Variants in GOLM1 observed in about 807,000 individuals in gnomAD.
The protein encoded by GOLM1 is golgi membrane protein 1, also known as epididymis luminal protein 46.
A neutral mutation model predicts 50.5 loss-of-function variants in GOLM1; 31 were observed. That is an observed-to-expected ratio of 0.61 (90% CI 0.46 to 0.83). The LOEUF is 0.83. GOLM1 is among the 40% of genes least tolerant of loss of function. The pLI, the probability that GOLM1 is intolerant of heterozygous loss-of-function variation, is 0.00. For missense variants in GOLM1, 491 were observed against 501.3 expected (o/e 0.98, Z 0.20); for synonymous variants, 178 against 192.8 (o/e 0.92, Z 0.64).
At chr9:86,098,137 C>T (rs187175101) in intron 1 of GOLM1, among the ~76,000 whole-genome samples, 1 of 152,298 alleles carries the variant, frequency 6.6e-6, no homozygotes, top group African/African-American at 2.4e-5. Flanking sequence ...TAAAAGCTAA[C>T]CTCTTTTCTT....
At chr9:86,092,803 A>C (rs1214747061) in intron 1 of GOLM1, among the ~76,000 whole-genome samples, 3 of 152,230 alleles carry the variant, frequency 2.0e-5, no homozygotes, top group African/African-American at 7.2e-5. Flanking sequence ...GCAGGAACTC[A>C]CAGGCAGAGT....
chr9:86,028,108 G>A (rs1476024980), intron 9 of GOLM1, among the ~76,000 whole-genome samples: 2 of 151,974 alleles, frequency 1.3e-5, no homozygotes, highest in East Asian at 1.9e-4. Flanking sequence ...AGAAGGGCAG[G>A]GTCACTGGCA....
At chr9:86,040,054 G>C (rs1272462191) in intron 6 of GOLM1, among the ~76,000 whole-genome samples, 1 of 151,878 alleles carries the variant, frequency 6.6e-6, no homozygotes, top group African/African-American at 2.4e-5. Context: ...CAAATCAAGA[G>C]ACACAAAGTA....
At chr9:86,048,958 T>C (rs1456094811) in intron 4 of GOLM1, among the ~76,000 whole-genome samples, 2 of 152,250 alleles carry the variant, frequency 1.3e-5, no homozygotes, top group East Asian at 3.8e-4. Flanking sequence ...CCCATGCCTA[T>C]GTCCTGAATG....
intron 1 of GOLM1, among the ~76,000 whole-genome samples, chr9:86,088,860 T>C (rs777372470): frequency 6.6e-6 from 1 of 152,214 alleles, no homozygotes; most frequent in South Asian, 2.1e-4. Context: ...ATAGTGTCGA[T>C]GGTCTTTACA....
At chr9:86,047,418 C>T (rs1027714255) in intron 4 of GOLM1, among the ~76,000 whole-genome samples, 3 of 152,182 alleles carry the variant, frequency 2.0e-5, no homozygotes, top group African/African-American at 7.2e-5. Context: ...GGAAGCGTTC[C>T]GTGAATTACG....
At chr9:86,060,876 CAAAAAAAAAAAAAAAAA>C (rs753183065) in intron 3 of GOLM1, among the ~76,000 whole-genome samples, 2,630 of 19,712 alleles carry the variant, frequency 0.13, 106 homozygotes, top group East Asian at 0.4. Context: ...GAAACTCTCT[CAAAAAAAAAAAAAAAAA>C]AAAAAAAAAA....
chr9:86,068,319 A>G (rs1169863143), intron 3 of GOLM1, among the ~76,000 whole-genome samples: 3 of 152,216 alleles, frequency 2.0e-5, no homozygotes, highest in Non-Finnish European at 4.4e-5. Context: ...CAAAACTGTA[A>G]AAGTATACAT....
chr9:86,060,317 G>A (rs1036551836), intron 3 of GOLM1, among the ~76,000 whole-genome samples: 1 of 152,076 alleles, frequency 6.6e-6, no homozygotes, highest in Non-Finnish European at 1.5e-5. Context: ...CAGGGAAAGC[G>A]GGGAGAGGGA....
At chr9:86,082,267 C>A (rs903860828) in intron 1 of GOLM1, among the ~76,000 whole-genome samples, 1 of 150,934 alleles carries the variant, frequency 6.6e-6, no homozygotes, top group South Asian at 2.1e-4. Context: ...ACCTTGTGAT[C>A]CGCCCGCCTC....
rs554202684 is a variant in GOLM1 at position 86,056,740 on chromosome 9, G to A, written c.310-4149C>T. ...AGGATGGTCTCAATCTCCTGACCTC[G>A]TGATCTGCTCGCCTTGGCCTCTCAA... On this transcript the variant is annotated intron_variant, in intron 3 of 9. Coordinates refer to ENST00000388712, the MANE Select transcript of GOLM1 (RefSeq NM_016548.4). 3.2e-4 allele frequency among the ~76,000 whole-genome samples: 48 copies of A among 151,968 alleles called. No individual in the cohort carries two copies. In the South Asian group the frequency reaches 9.0e-3, roughly 28 times the overall value.
chr9:86,095,461 T>C (rs1014382680), intron 1 of GOLM1, among the ~76,000 whole-genome samples: 8 of 151,676 alleles, frequency 5.3e-5, no homozygotes, highest in African/African-American at 1.9e-4. Flanking sequence ...TTGGCCAGGT[T>C]GGTCTCGAAC....
At chr9:86,075,158 G>C (rs530586363) in intron 3 of GOLM1, among the ~76,000 whole-genome samples, 2 of 152,290 alleles carry the variant, frequency 1.3e-5, no homozygotes, top group South Asian at 2.1e-4. Context: ...CTCACCAGAT[G>C]AATCTGCCCC....
chr9:86,063,503 G>T (rs1834219919), intron 3 of GOLM1, among the ~76,000 whole-genome samples: 1 of 152,176 alleles, frequency 6.6e-6, no homozygotes, highest in South Asian at 2.1e-4. Flanking sequence ...AAGTGTACAG[G>T]TTACAGCGTC....
chr9:86,053,560 C>CCAA (rs1564347342), intron 3 of GOLM1, among the ~76,000 whole-genome samples: 4 of 914 alleles, frequency 4.4e-3, no homozygotes, highest in African/African-American at 7.8e-3. Context: ...ACACACTACA[C>CCAA]ACACACACAT....
intron 3 of GOLM1, among the ~76,000 whole-genome samples, chr9:86,062,187 G>A (rs933423761): frequency 2.0e-5 from 3 of 152,122 alleles, no homozygotes; most frequent in Admixed American, 6.5e-5. Context: ...AAAGCACCTC[G>A]CTGGGAGAGT....
intron 3 of GOLM1, among the ~76,000 whole-genome samples, chr9:86,059,263 T>G (rs899870681): frequency 6.6e-6 from 1 of 152,138 alleles, no homozygotes; most frequent in Non-Finnish European, 1.5e-5. Flanking sequence ...AGCAGAATTA[T>G]TCATGAAGGC....
chr9:86,060,648 G>A (rs552992516), intron 3 of GOLM1, among the ~76,000 whole-genome samples: 6 of 152,022 alleles, frequency 3.9e-5, no homozygotes, highest in South Asian at 2.1e-4. Flanking sequence ...TTGGGAGGCC[G>A]AGGCGGGTGG....
intron 3 of GOLM1, among the ~76,000 whole-genome samples, chr9:86,053,266 C>T (rs1407417449): frequency 7.5e-6 from 1 of 133,578 alleles, no homozygotes; most frequent in Non-Finnish European, 1.6e-5. Flanking sequence ...CACCACAACG[C>T]CAGACCACAC....
Sources: allele counts gnomAD v4.1 joint callset (sites outside exome capture counted in the v4.1 genomes callset), GRCh38; gene constraint gnomAD v4.1.1; transcripts MANE v1.5; gene names NCBI Gene and HGNC (gene_info 2026-07-23, HGNC 2026-07-21).